Variants in HPS1 observed in about 807,000 individuals in gnomAD.
HPS1 encodes the protein HPS1 biogenesis of lysosomal organelles complex 3 subunit 1.
Under a neutral mutation model 90.6 loss-of-function variants are expected in HPS1, and 59 were observed. The ratio of observed to expected loss-of-function variants is 0.65; its 90% CI spans 0.53 to 0.81. The LOEUF is 0.81. HPS1 is among the 30% of genes least tolerant of loss of function. The probability of loss-of-function intolerance (pLI) is 0.00; values close to 1 mark genes in which losing one functional copy is unlikely to be tolerated. For synonymous variants in HPS1, 388 were observed against 384.4 expected (o/e 1.01, Z -0.11); for missense variants, 849 against 896.7 (o/e 0.95, Z 0.68).
At chr10:98,446,227 T>A (rs1939509897) in intron 1 of HPS1, among the ~76,000 whole-genome samples, 1 of 152,124 alleles carries the variant, frequency 6.6e-6, no homozygotes, top group Non-Finnish European at 1.5e-5. Flanking sequence ...ACGGGCTCCA[T>A]CACCCACATG....
In HPS1 at chr10:98,435,734, G is replaced by A. The variant is rs763870184; in HGVS notation, c.156C>T (p.Ala52=). 1 of 1,614,202 alleles carries A rather than the reference G, an allele frequency of 6.2e-7. No individual in the cohort carries two copies. The highest frequency in any genetic ancestry group is 8.5e-7 in the Non-Finnish European group (1 of 1,180,036). The change falls in exon 4 of 20, where the codon GCC becomes GCT. Residue 52 remains alanine, a synonymous_variant. Transcript: ENST00000361490. This position sits in a 1 kb window ranked among gnomAD's most constrained non-coding sequence, Gnocchi z 4.3. ...TCGTCATGGAGGAGATGATGACCGG[G>A]GCTAGGAGGGTGCTGAGCTGGTCCT... ...ALEDQLSTLL[A]PVIISSMTML...
chr10:98,426,279 C>G (rs1322237634), intron 11 of HPS1, among the ~76,000 whole-genome samples: 14 of 152,160 alleles, frequency 9.2e-5, no homozygotes, highest in Non-Finnish European at 1.8e-4. Context: ...CAGGGAAACA[C>G]TCGTGGATGG....
chr10:98,439,205 CCA>C (rs1268096403), intron 3 of HPS1, among the ~76,000 whole-genome samples: 1 of 152,202 alleles, frequency 6.6e-6, no homozygotes, highest in Non-Finnish European at 1.5e-5. Context: ...TCAGACACCT[CCA>C]CACAGAGTCC....
In HPS1 at chr10:98,429,625, G is replaced by A. The variant is rs1244927258; in HGVS notation, c.885C>T (p.Ser295=). ...CTGGTGTGAAGTACTCCTCAGGGAG[G>A]GAGAAGCTGTCTGTCTCCTGGAATG... is the stretch of plus-strand genomic sequence containing the variant. ...SSAETETDSF[S]LPEEYFTPAP... is the part of the protein sequence containing the mutation. Residue 295 remains serine (S), a synonymous_variant, in exon 10 of 20, where the codon TCC becomes TCT. Coordinates refer to ENST00000361490, the MANE Select transcript of HPS1 (RefSeq NM_000195.5). 10 of 1,614,110 alleles carry A rather than the reference G, an allele frequency of 6.2e-6. No homozygotes were observed. Among genetic ancestry groups the A allele is most frequent in the Non-Finnish European group, 8.5e-6 (10 of 1,180,048 alleles).
chr10:98,445,727 C>T lies in HPS1; in HGVS notation c.-105-323G>A, dbSNP rs1324160480. On this transcript the variant is annotated intron_variant, in intron 1 of 19. Coordinates refer to ENST00000361490, the MANE Select transcript of HPS1 (RefSeq NM_000195.5). The surrounding 1 kb of genome is among the most constrained non-coding windows in gnomAD (Gnocchi z 4.5). ...CAGGGAGCTTGCTAGGAGTGACTGACGGGAGACAGCATAGCACATCCCAGG... is the reference window on the plus strand; with the variant it reads ...CAGGGAGCTTGCTAGGAGTGACTGATGGGAGACAGCATAGCACATCCCAGG... Among the ~76,000 whole-genome samples the T allele has an allele frequency of 1.3e-5, 2 of 152,136 alleles. No homozygotes were observed. The highest frequency in any genetic ancestry group is 2.4e-5 in the African/African-American group (1 of 41,410).
At chr10:98,425,742 C>G in intron 12 of HPS1, 22 bp from the exon 13 acceptor site, 1 of 1,600,456 alleles carries the variant, frequency 6.2e-7, no homozygotes. Flanking sequence ...GGCCGAGAGG[C>G]GGGTGAACGG....
chr10:98,424,190 A>G, intron 14 of HPS1, 123 bp downstream of exon 14: 1 of 836,774 alleles, frequency 1.2e-6, no homozygotes, highest in Non-Finnish European at 2.0e-6. Flanking sequence ...ATGTGGGAAG[A>G]AATCTCCTTT....
chr10:98,417,615 G>C lies in HPS1; in HGVS notation c.2052C>G (p.Ala684=). 6.2e-7 allele frequency: 1 copy of C among 1,612,926 alleles called. No homozygotes were observed. ...CCCAGAGGCGCCGGGCCAGCTGGCC[G>C]GCCTGCTGCACCAGCAGGTCAGTGG... The part of the protein sequence containing the change: ...VIPTDLLVQQ[A]GQLARRLWEA... Residue 684 remains alanine, a synonymous_variant, in exon 20 of 20, where the codon GCC becomes GCG. Coordinates refer to ENST00000361490, the MANE Select transcript of HPS1 (RefSeq NM_000195.5). The surrounding 1 kb of genome is among the most constrained non-coding windows in gnomAD (Gnocchi z 4.2).
chr10:98,424,426 G>A (rs928476373), intron 13 of HPS1, 52 bp from the exon 14 acceptor site: 10 of 1,505,232 alleles, frequency 6.6e-6, no homozygotes, highest in African/African-American at 1.4e-5. Flanking sequence ...TTCCAGTGAG[G>A]TCCAGGCCAA....
chr10:98,435,383 C>T lies in HPS1; in HGVS notation c.287G>A (p.Gly96Asp). ...FGECLFIAIN[G>D]DHTESEGDLR... ...GTCCCCCTCGCTCTCGGTGTGGTCA[C>T]CATTGATGGCAATGAACAGGCATTC... The change falls in exon 5 of 20, where the codon GGT becomes GAT. Residue 96 changes from glycine to aspartate, a missense_variant. Gly to Asp is a moderately conservative substitution (Grantham distance 94). Coordinates refer to ENST00000361490, the MANE Select transcript of HPS1 (RefSeq NM_000195.5). This position sits in a 1 kb window ranked among gnomAD's most constrained non-coding sequence, Gnocchi z 4.3. 6.2e-7 allele frequency: 1 copy of T among 1,613,846 alleles called. No homozygotes were observed.
Position 98,428,843 on chromosome 10 carries a change from G to GT in HPS1, c.937+729dup, listed in dbSNP as rs749935229. 5.6e-3 allele frequency among the ~76,000 whole-genome samples: 830 copies of GT among 149,372 alleles called. 9 individuals are homozygous for GT. The highest frequency in any genetic ancestry group is 0.019 in the African/African-American group (765 of 40,300). ...TAACATTTTGAATATTTGTAGTTTT[G>GT]TTTTGTTTTTTTTTTTGAGACAGAG... On this transcript the variant is annotated intron_variant, in intron 10 of 19. Coordinates refer to ENST00000361490, the MANE Select transcript of HPS1 (RefSeq NM_000195.5).
chr10:98,418,117 G>A (rs1012667264), intron 19 of HPS1, 58 bp downstream of exon 19: 19 of 1,158,458 alleles, frequency 1.6e-5, no homozygotes, highest in Middle Eastern at 2.0e-4. Flanking sequence ...CGGCAGAGGC[G>A]AGCACTTATC....
At position 98,429,509 on chromosome 10, in the gene HPS1, T is replaced by A. The variant is rs556460400; in HGVS notation, c.937+64A>T. 23 of 1,612,978 alleles carry A rather than the reference T, an allele frequency of 1.4e-5. No homozygotes were observed. In the East Asian group the frequency reaches 2.5e-4, roughly 17 times the overall value. ...GGGGTCCACTGGAGCCTAAGACAGATGTCCTGGGCTGCCTGTCGCTCGCAG... is the reference window on the plus strand; with the variant it reads ...GGGGTCCACTGGAGCCTAAGACAGAAGTCCTGGGCTGCCTGTCGCTCGCAG... On this transcript the variant is annotated intron_variant, in intron 10 of 19. Transcript: ENST00000361490.
In HPS1 at chr10:98,420,081, G is replaced by A. The variant is rs2136102742; in HGVS notation, c.1821C>T (p.Phe607=). Residue 607 remains phenylalanine, a synonymous_variant, in exon 18 of 20, where the codon TTC becomes TTT. Transcript: ENST00000361490. The part of the protein sequence containing the change: ...YTTLLFQEGD[F]YCSYFLWFEN... Reference sequence around the variant, plus strand: ...CGAACCACAGGAAGTAGGAGCAGTAGAAATCCCCCTCCTGGAACAGCAGCG... The same window carrying A: ...CGAACCACAGGAAGTAGGAGCAGTAAAAATCCCCCTCCTGGAACAGCAGCG... The A allele has an allele frequency of 3.1e-6, 5 of 1,614,004 alleles. No individual in the cohort carries two copies. Among genetic ancestry groups the A allele is most frequent in the Non-Finnish European group, 4.2e-6 (5 of 1,179,844 alleles).
Position 98,416,349 on chromosome 10 carries a change from G to GGA in HPS1, c.*1214_*1215insTC, listed in dbSNP as rs1844116896. On this transcript the variant is annotated 3_prime_UTR_variant, in exon 20 of 20. Coordinates refer to ENST00000361490, the MANE Select transcript of HPS1 (RefSeq NM_000195.5). ...GGGTCCTGAACAGTGGTGGGCTCAG[G>GGA]GGATTGGAGTTTTTTCCTTTATGTT... 6.6e-6 allele frequency: 1 copy of GGA among 152,020 alleles called. No individual in the cohort carries two copies. Among genetic ancestry groups the GGA allele is most frequent in the East Asian group, 1.9e-4 (1 of 5,296 alleles). The allele number at this position is 152,020 out of a possible 1,614,324, so 9.4% of individuals were successfully genotyped here.
At chr10:98,442,878 T>A (rs1279204967) in intron 3 of HPS1, 3 of 537,520 alleles carry the variant, frequency 5.6e-6, no homozygotes, top group Non-Finnish European at 1.0e-5. Context: ...ATTCGACTTC[T>A]TCTTGCCCTC....
At chr10:98,437,384 A>G (rs979313511) in intron 3 of HPS1, among the ~76,000 whole-genome samples, 7 of 152,246 alleles carry the variant, frequency 4.6e-5, no homozygotes, top group African/African-American at 1.7e-4. Context: ...TTATGAATCT[A>G]GATGTTGATA....
At chr10:98,420,731 T>TA (rs1252355086) in intron 17 of HPS1, among the ~76,000 whole-genome samples, 202 of 149,098 alleles carry the variant, frequency 1.4e-3, no homozygotes, top group African/African-American at 4.3e-3. Flanking sequence ...ATAATAATAT[T>TA]AAAAAAAAAA....
intron 6 of HPS1, among the ~76,000 whole-genome samples, chr10:98,433,613 T>G (rs1257768793): frequency 1.3e-5 from 2 of 152,192 alleles, no homozygotes; most frequent in African/African-American, 4.8e-5. Flanking sequence ...TCATTTGCAC[T>G]CAGGGAATCT....
Sources: gnomAD v4.1 joint callset for allele counts (sites outside exome capture counted in the v4.1 genomes callset) on GRCh38, gnomAD v4.1.1 for gene constraint, Gnocchi (gnomAD v3.1) non-coding constraint, MANE v1.5 for transcripts, NCBI Gene and HGNC (gene_info 2026-07-23, HGNC 2026-07-21) for gene names.